The following ZNF143 variants were observed in gnomAD, a reference collection of about 807,000 sequenced individuals.
ZNF143 encodes zinc finger protein 143, also known as SPH-binding factor.
In ZNF143, 49 loss-of-function variants were observed where a neutral mutation model predicts 74.1. That is an observed-to-expected ratio of 0.66 (90% CI 0.53 to 0.84). The LOEUF (loss-of-function observed/expected upper bound fraction) is 0.84, where lower values mean the gene tolerates loss of function less well. Ranked by LOEUF, ZNF143 falls within the 40% of genes least tolerant of loss-of-function variation. The pLI is 0.00. For synonymous variants in ZNF143, 304 were observed against 282.8 expected, an observed-to-expected ratio of 1.07 and a Z score of -0.75; for missense variants, 637 against 793.4, an observed-to-expected ratio of 0.80 and a Z score of 2.37.
At chr11:9,522,003 T>C (rs1848947352) in intron 14 of ZNF143, among the ~76,000 whole-genome samples, 1 of 150,054 alleles carries the variant, frequency 6.7e-6, no homozygotes, top group Non-Finnish European at 1.5e-5. Context: ...GAGGCAGAGG[T>C]TGCAGTGAAC....
chr11:9,525,896 C>G (rs1456300929), intron 15 of ZNF143, among the ~76,000 whole-genome samples: 1 of 152,132 alleles, frequency 6.6e-6, no homozygotes, highest in Admixed American at 6.5e-5. Flanking sequence ...AATCCTAGCA[C>G]TTTGGGAGGC....
At position 9,523,690 on chromosome 11, in the gene ZNF143, C is replaced by T. The variant is rs143361562; in HGVS notation, c.1687-1550C>T. On this transcript the variant is annotated intron_variant, in intron 14 of 15. Coordinates refer to ENST00000396602, the MANE Select transcript of ZNF143 (RefSeq NM_003442.6). ...CGGAGCTTGCAGTGAGCCAAGACGG[C>T]GCCACTGCACTCCAGCCTGGGCGAC... 5.0e-3 allele frequency among the ~76,000 whole-genome samples: 740 copies of T among 147,904 alleles called. 6 individuals are homozygous for T. The highest frequency in any genetic ancestry group is 0.018 in the African/African-American group (709 of 40,060).
At chr11:9,468,831 G>A (rs1000648187) in intron 1 of ZNF143, among the ~76,000 whole-genome samples, 5 of 151,884 alleles carry the variant, frequency 3.3e-5, no homozygotes, top group South Asian at 2.1e-4. Context: ...AGTGAGACTC[G>A]ACTTTCATAT....
In ZNF143 at chr11:9,484,800, A is replaced by ATT. The variant is rs1381085964; in HGVS notation, c.645+5268_645+5269dup. On this transcript the variant is annotated intron_variant, in intron 7 of 15. Coordinates refer to ENST00000396602, the MANE Select transcript of ZNF143 (RefSeq NM_003442.6). ...CGTGAGCCACCGCACCTGGCCAAAG[A>ATT]TTTTTTTTTTTTTTTGAGACGGAGT... 3.7e-3 allele frequency among the ~76,000 whole-genome samples: 248 copies of ATT among 67,000 alleles called. 27 individuals carry two copies. Among genetic ancestry groups the ATT allele is most frequent in the South Asian group, 6.3e-3 (9 of 1,418 alleles). 44.0% of individuals were successfully genotyped at this position (67,000 alleles called of 152,430 possible).
At position 9,478,308 on chromosome 11, in the gene ZNF143, C is replaced by T; in HGVS notation, c.374-82C>T. On this transcript the variant is annotated intron_variant, in intron 5 of 15. Coordinates refer to ENST00000396602, the MANE Select transcript of ZNF143 (RefSeq NM_003442.6). ...ACTCAGAGTAACTACTCAATAAAAG[C>T]TCATTTCTCTCTTCCTTTAAATATG... The T allele has an allele frequency of 2.4e-5, 35 of 1,440,048 alleles. 1 individual carries two copies. In the South Asian group the frequency reaches 3.0e-4, roughly 12 times the overall value. 89.2% of individuals were successfully genotyped at this position (1,440,048 alleles called of 1,614,324 possible).
chr11:9,464,833 G>A (rs1363133463), intron 1 of ZNF143, among the ~76,000 whole-genome samples: 1 of 151,976 alleles, frequency 6.6e-6, no homozygotes, highest in East Asian at 1.9e-4. Flanking sequence ...TGAGGCAGGG[G>A]AATTGCTTGA....
rs1381085964 is a variant in ZNF143 at position 9,484,800 on chromosome 11, A to ATTTTTTTT, written c.645+5262_645+5269dup. 7.0e-3 allele frequency among the ~76,000 whole-genome samples: 470 copies of ATTTTTTTT among 66,996 alleles called. 62 individuals carry two copies. Among genetic ancestry groups the ATTTTTTTT allele is most frequent in the African/African-American group, 0.03 (439 of 14,694 alleles). 44.0% of individuals were successfully genotyped at this position (66,996 alleles called of 152,430 possible). A position where few individuals can be genotyped will look rare whatever the true frequency, so the allele number is the denominator to read the frequency against. ...CGTGAGCCACCGCACCTGGCCAAAG[A>ATTTTTTTT]TTTTTTTTTTTTTTTGAGACGGAGT... On this transcript the variant is annotated intron_variant, in intron 7 of 15. Coordinates refer to ENST00000396602, the MANE Select transcript of ZNF143 (RefSeq NM_003442.6).
intron 7 of ZNF143, among the ~76,000 whole-genome samples, chr11:9,486,738 G>A (rs1169852395): frequency 1.3e-5 from 2 of 148,822 alleles, no homozygotes; most frequent in African/African-American, 5.1e-5. Flanking sequence ...GTGTAATCTC[G>A]GCTCACTGCA....
chr11:9,492,457 C>T lies in ZNF143; in HGVS notation c.646-2189C>T, dbSNP rs1714506947. 2.0e-5 allele frequency among the ~76,000 whole-genome samples: 3 copies of T among 151,736 alleles called. No homozygotes were observed. In the South Asian group the frequency reaches 6.2e-4, roughly 32 times the overall value. On this transcript the variant is annotated intron_variant, in intron 7 of 15. Coordinates refer to ENST00000396602, the MANE Select transcript of ZNF143 (RefSeq NM_003442.6). ...AGAGACAGGGTTTCACTGTGTTTGT[C>T]AGGCTGGTCTTGAACTTGACCTCAG...
intron 14 of ZNF143, among the ~76,000 whole-genome samples, chr11:9,518,712 C>T (rs1221992092): frequency 2.1e-5 from 3 of 145,018 alleles, no homozygotes; most frequent in East Asian, 1.9e-4. Flanking sequence ...AGTGAGACTC[C>T]GTCTTAAAGA....
At chr11:9,512,969 TCAG>T (rs1224738862) in intron 13 of ZNF143, among the ~76,000 whole-genome samples, 2 of 152,102 alleles carry the variant, frequency 1.3e-5, no homozygotes, top group African/African-American at 4.8e-5. Context: ...GCTGAGGTGA[TCAG>T]CATATGATGG....
chr11:9,527,391 G>T, intron 15 of ZNF143, 139 bp from the exon 16 acceptor site: 1 of 701,960 alleles, frequency 1.4e-6, no homozygotes, highest in Non-Finnish European at 2.4e-6. Context: ...TAATGTTTGA[G>T]TTAGCAGTAG....
chr11:9,469,553 A>T (rs1856453066), intron 1 of ZNF143, among the ~76,000 whole-genome samples: 1 of 152,004 alleles, frequency 6.6e-6, no homozygotes, highest in Admixed American at 6.6e-5. Context: ...ACAGTAGGGT[A>T]CTGGTGTTAC....
intron 7 of ZNF143, among the ~76,000 whole-genome samples, chr11:9,490,795 C>T (rs904753601): frequency 7.2e-5 from 11 of 152,112 alleles, no homozygotes; most frequent in Admixed American, 5.2e-4. Context: ...TGCAGTGGGG[C>T]GATCATAGCT....
At chr11:9,516,917 A>G (rs1848744682) in intron 14 of ZNF143, among the ~76,000 whole-genome samples, 1 of 152,134 alleles carries the variant, frequency 6.6e-6, no homozygotes, top group Middle Eastern at 3.4e-3. Context: ...TTTGTTAACT[A>G]GCCCACAGCT....
intron 1 of ZNF143, among the ~76,000 whole-genome samples, chr11:9,465,107 G>C (rs1247503537): frequency 6.6e-6 from 1 of 152,166 alleles, no homozygotes; most frequent in African/African-American, 2.4e-5. Flanking sequence ...TATGTATGTG[G>C]ATAGCAAGGG....
intron 14 of ZNF143, among the ~76,000 whole-genome samples, chr11:9,524,006 C>CCATTG (rs1349720843): frequency 6.7e-6 from 1 of 149,432 alleles, no homozygotes; most frequent in Admixed American, 6.7e-5. Flanking sequence ...TGAGATCAAG[C>CCATTG]CATTGCATTC....
intron 15 of ZNF143, among the ~76,000 whole-genome samples, chr11:9,527,281 T>G (rs1849164249): frequency 6.6e-6 from 1 of 152,150 alleles, no homozygotes; most frequent in Non-Finnish European, 1.5e-5. Context: ...TGAGACCTCA[T>G]CATATCACCA....
At chr11:9,503,729 G>A (rs910596674) in intron 11 of ZNF143, among the ~76,000 whole-genome samples, 3 of 149,108 alleles carry the variant, frequency 2.0e-5, no homozygotes, top group African/African-American at 7.4e-5. Flanking sequence ...TGCAGCCTCC[G>A]CCTGCCGGGT....
Sources: allele counts gnomAD v4.1 joint callset (sites outside exome capture counted in the v4.1 genomes callset), GRCh38; gene constraint gnomAD v4.1.1; transcripts MANE v1.5; gene names NCBI Gene and HGNC (gene_info 2026-07-23, HGNC 2026-07-21).